Variants in RUNX2 observed in about 807,000 individuals in gnomAD.
RUNX2 encodes runt-related transcription factor 2.
In RUNX2, 10 loss-of-function variants were observed where a neutral mutation model predicts 51.7. That is an observed-to-expected ratio of 0.19 (90% confidence interval 0.12 to 0.33). The LOEUF (loss-of-function observed/expected upper bound fraction) is 0.33. Ranked by LOEUF, RUNX2 falls within the 10% of genes least tolerant of loss-of-function variation. RUNX2 has a pLI of 1.00. For missense variants in RUNX2, 562 were observed against 691.3 expected, an observed-to-expected ratio of 0.81 and a Z score of 2.10; for synonymous variants, 276 against 273.6, an observed-to-expected ratio of 1.01 and a Z score of -0.09.
At chr6:45,541,466 T>C (rs575798695) in intron 7 of RUNX2, among the ~76,000 whole-genome samples, 1 of 152,326 alleles carries the variant, frequency 6.6e-6, no homozygotes, top group South Asian at 2.1e-4. Flanking sequence ...CACATAGGTC[T>C]TGTGTATTAC....
rs1793550274 is a variant in RUNX2 at position 45,357,983 on chromosome 6, A to G, written c.58+29199A>G. 7.9e-5 allele frequency among the ~76,000 whole-genome samples: 12 copies of G among 152,292 alleles called. No individual in the cohort carries two copies. The South Asian group carries it at 2.5e-3, about 32-fold the overall frequency. ...ATTCATACTTTCTAAAAAATGGAAC[A>G]TAAATGTAATATTAAACTTCTCAAT... On this transcript the variant is annotated intron_variant, in intron 2 of 8. Coordinates refer to ENST00000647337, the MANE Select transcript of RUNX2 (RefSeq NM_001024630.4).
intron 7 of RUNX2, among the ~76,000 whole-genome samples, chr6:45,515,780 A>C (rs1801300697): frequency 6.6e-6 from 1 of 152,246 alleles, no homozygotes; most frequent in Non-Finnish European, 1.5e-5. Flanking sequence ...AAAAAAGTCA[A>C]TAAAGCATTA....
chr6:45,334,769 T>A (rs1394000022), intron 2 of RUNX2, among the ~76,000 whole-genome samples: 2 of 147,222 alleles, frequency 1.4e-5, no homozygotes, highest in East Asian at 1.9e-4. Flanking sequence ...AGGAAAAAAA[T>A]TGTAAATTAT....
intron 2 of RUNX2, among the ~76,000 whole-genome samples, chr6:45,345,388 A>G (rs1249900467): frequency 6.6e-6 from 1 of 152,074 alleles, no homozygotes; most frequent in African/African-American, 2.4e-5. Context: ...TTAATTTTGT[A>G]TCTCTATTCC....
chr6:45,492,887 G>C (rs1268324622), intron 6 of RUNX2, among the ~76,000 whole-genome samples: 1 of 152,158 alleles, frequency 6.6e-6, no homozygotes, highest in African/African-American at 2.4e-5. Context: ...GCAGATAAAA[G>C]TATTGAGAGC....
rs140948411 is a variant in RUNX2, at chr6:45,537,386, C to T, written c.1022-7831C>T. Among the ~76,000 whole-genome samples the T allele has an allele frequency of 8.2e-3, 1,248 of 152,256 alleles. 10 individuals are homozygous for T. The highest frequency in any genetic ancestry group is 0.012 in the Non-Finnish European group (848 of 68,020). On this transcript the variant is annotated intron_variant, in intron 7 of 8. Transcript: ENST00000647337. ...TTAGGGGAGACAGTGACAGCAAAGC[C>T]CCCACAAGTCTGGGGCCAGGTCTTG...
At chr6:45,385,287 T>C (rs1797326361) in intron 2 of RUNX2, among the ~76,000 whole-genome samples, 1 of 152,216 alleles carries the variant, frequency 6.6e-6, no homozygotes, top group Non-Finnish European at 1.5e-5. Flanking sequence ...TGAACCTCCA[T>C]TCCACCTCAT....
At chr6:45,432,486 G>C (rs1021554786) in intron 4 of RUNX2, among the ~76,000 whole-genome samples, 6 of 152,150 alleles carry the variant, frequency 3.9e-5, no homozygotes, top group African/African-American at 1.2e-4. Context: ...TACTCTCATA[G>C]TAAGAATTTA....
intron 7 of RUNX2, among the ~76,000 whole-genome samples, chr6:45,541,829 G>A (rs775203812): frequency 5.3e-5 from 8 of 152,310 alleles, no homozygotes; most frequent in African/African-American, 1.4e-4. Flanking sequence ...GCAAGTACCC[G>A]GTCTGTTATT....
chr6:45,525,723 G>A (rs1030194580), intron 7 of RUNX2, among the ~76,000 whole-genome samples: 8 of 152,146 alleles, frequency 5.3e-5, no homozygotes, highest in African/African-American at 9.7e-5. Context: ...GGCTGGGTGC[G>A]GTGGCTCACA....
At chr6:45,485,716 T>TATATATATATATATATATATATATACAC in intron 5 of RUNX2, among the ~76,000 whole-genome samples, 1 of 126,446 alleles carries the variant, frequency 7.9e-6, no homozygotes, top group East Asian at 2.1e-4. Flanking sequence ...TATATATATA[T>TATATATATATATATATATATATATACAC]ACACATATTT....
At chr6:45,531,483 G>A (rs188189875) in intron 7 of RUNX2, among the ~76,000 whole-genome samples, 9 of 152,212 alleles carry the variant, frequency 5.9e-5, no homozygotes, top group African/African-American at 1.9e-4. Flanking sequence ...GGCCAGGCAC[G>A]GTGGCTCACA....
Position 45,399,349 on chromosome 6 carries a change from C to CTTTTTTTTTTTTTTTT in RUNX2, c.59-23231_59-23216dup, listed in dbSNP as rs398048486. On this transcript the variant is annotated intron_variant, in intron 2 of 8. Coordinates refer to ENST00000647337, the MANE Select transcript of RUNX2 (RefSeq NM_001024630.4). ...CTTTCTCATTTCTTTCTTTTCTTTCCTTTTTTTTTTTTTTTTTTTTTTTTT... is the reference window on the plus strand; with the variant it reads ...CTTTCTCATTTCTTTCTTTTCTTTCCTTTTTTTTTTTTTTTTTTTTTTTTTTTTTTTTTTTTTTTTT... Among the ~76,000 whole-genome samples the CTTTTTTTTTTTTTTTT allele has an allele frequency of 2.3e-4, 13 of 57,346 alleles. 1 individual carries two copies. Among genetic ancestry groups the CTTTTTTTTTTTTTTTT allele is most frequent in the Non-Finnish European group, 3.8e-4 (11 of 29,036 alleles). The allele number at this position is 57,346 out of a possible 152,430, so 37.6% of individuals were successfully genotyped here.
At chr6:45,407,382 T>A (rs1204586313) in intron 2 of RUNX2, among the ~76,000 whole-genome samples, 1 of 152,174 alleles carries the variant, frequency 6.6e-6, no homozygotes. Context: ...AATACCACAG[T>A]GATGTGAGAC....
chr6:45,387,177 C>G (rs1279211319), intron 2 of RUNX2, among the ~76,000 whole-genome samples: 1 of 152,128 alleles, frequency 6.6e-6, no homozygotes, highest in Non-Finnish European at 1.5e-5. Flanking sequence ...TCTTGACTTA[C>G]TGAGTGGATG....
At chr6:45,425,083 T>C (rs896797751) in intron 3 of RUNX2, among the ~76,000 whole-genome samples, 3 of 151,774 alleles carry the variant, frequency 2.0e-5, no homozygotes, top group African/African-American at 7.3e-5. Context: ...CAAACCTGGA[T>C]GAAAACAGCA....
At chr6:45,537,478 A>G (rs943493147) in intron 7 of RUNX2, among the ~76,000 whole-genome samples, 1 of 152,178 alleles carries the variant, frequency 6.6e-6, no homozygotes, top group Non-Finnish European at 1.5e-5. Context: ...TGCCATTCAT[A>G]TAGTATAGTC....
At chr6:45,540,898 A>G (rs1043437696) in intron 7 of RUNX2, among the ~76,000 whole-genome samples, 14 of 152,334 alleles carry the variant, frequency 9.2e-5, no homozygotes, top group Admixed American at 8.5e-4. Flanking sequence ...ACTAGTGTCA[A>G]CTGCTGTTTT....
intron 3 of RUNX2, among the ~76,000 whole-genome samples, chr6:45,425,318 C>T (rs980451883): frequency 6.6e-6 from 1 of 152,174 alleles, no homozygotes; most frequent in African/African-American, 2.4e-5. Flanking sequence ...TTGAGCTAGT[C>T]TCAGATATTT....
Sources: gnomAD v4.1 joint callset for allele counts (sites outside exome capture counted in the v4.1 genomes callset) on GRCh38, gnomAD v4.1.1 for gene constraint, MANE v1.5 for transcripts, NCBI Gene and HGNC (gene_info 2026-07-23, HGNC 2026-07-21) for gene names.